The following RICTOR variants were observed in gnomAD, a reference collection of about 807,000 sequenced individuals.
The protein encoded by RICTOR is rapamycin-insensitive companion of mTOR.
Under a neutral mutation model 214.9 loss-of-function variants are expected in RICTOR, and 49 were observed. That is an observed-to-expected ratio of 0.23 (90% CI 0.18 to 0.29). The LOEUF is 0.29. RICTOR is among the 10% of genes least tolerant of loss of function. RICTOR has a pLI of 1.00. For missense variants in RICTOR, 1,625 were observed against 2,047.0 expected (o/e 0.79, Z 3.98); for synonymous variants, 717 against 711.3 (o/e 1.01, Z -0.13).
chr5:38,962,309 A>C lies in RICTOR; in HGVS notation c.1715+6T>G. 7.3e-7 allele frequency: 1 copy of C among 1,368,712 alleles called. No homozygotes were observed. The highest frequency in any genetic ancestry group is 1.0e-6 in the Non-Finnish European group (1 of 982,436). 84.8% of individuals were successfully genotyped at this position (1,368,712 alleles called of 1,614,324 possible). On this transcript the variant is annotated splice_donor_region_variant and intron_variant, in intron 19 of 37. Transcript: ENST00000357387. ...TAAATTTAAATGCAAAATAGTTCTT[A>C]CATACCTGTGTAACTGTTCATCTTT...
chr5:39,063,626 T>C (rs1375697460), intron 2 of RICTOR, among the ~76,000 whole-genome samples: 1 of 152,134 alleles, frequency 6.6e-6, no homozygotes, highest in Non-Finnish European at 1.5e-5. Context: ...AATTGGCATA[T>C]GCTTCAAATA....
In RICTOR at chr5:38,938,633, C is replaced by T. The variant is rs1747219437; in HGVS notation, c.*3671G>A. 8.6e-6 allele frequency: 2 copies of T among 232,552 alleles called. No individual in the cohort carries two copies. Among genetic ancestry groups the T allele is most frequent in the South Asian group, 1.8e-4 (1 of 5,510 alleles). 14.4% of individuals were successfully genotyped at this position (232,552 alleles called of 1,614,324 possible). A position where few individuals can be genotyped will look rare whatever the true frequency, so the allele number is the denominator to read the frequency against. ...ACATTCTGTGAGTCATATAAACCTA[C>T]TAGGAATGAAAAATACCCTGGAACT... On this transcript the variant is annotated 3_prime_UTR_variant, in exon 38 of 38. Transcript: ENST00000357387.
chr5:38,960,439 C>T lies in RICTOR; in HGVS notation c.1810G>A (p.Val604Ile), dbSNP rs1254209766. ...DFAKAKQLTV[V>I]GCQFTEFLLE... Reference sequence around the variant, plus strand: ...AGAAATTCTGTAAACTGGCAACCTACAACCGTGAGCTGTTTGGCCTTGGCA... The same window carrying T: ...AGAAATTCTGTAAACTGGCAACCTATAACCGTGAGCTGTTTGGCCTTGGCA... Residue 604 changes from valine (V) to isoleucine (I), a missense_variant, in exon 20 of 38, where the codon GTA becomes ATA. Val to Ile is a conservative substitution (Grantham distance 29). Around this residue, in one of 5 missense-constraint regions of RICTOR, gnomAD observed 1,214 missense variants for 1,470.5 expected, o/e 0.83. Coordinates refer to ENST00000357387, the MANE Select transcript of RICTOR (RefSeq NM_152756.5). 2.5e-6 allele frequency: 4 copies of T among 1,613,802 alleles called. No individual in the cohort carries two copies. Among genetic ancestry groups the T allele is most frequent in the African/African-American group, 2.7e-5 (2 of 74,914 alleles).
chr5:38,942,739 A>G, intron 37 of RICTOR, 94 bp downstream of exon 37: 1 of 1,005,754 alleles, frequency 9.9e-7, no homozygotes, highest in Non-Finnish European at 1.5e-6. Context: ...TGTAGGCATG[A>G]GTCACCACAC....
intron 7 of RICTOR, among the ~76,000 whole-genome samples, chr5:38,989,828 A>T (rs1367226404): frequency 3.3e-5 from 5 of 152,208 alleles, no homozygotes; most frequent in Non-Finnish European, 5.9e-5. Flanking sequence ...AAGAATGGCG[A>T]TCATTAAAAA....
intron 27 of RICTOR, among the ~76,000 whole-genome samples, chr5:38,954,302 C>T (rs1749048911): frequency 6.6e-6 from 1 of 151,902 alleles, no homozygotes; most frequent in African/African-American, 2.4e-5. Context: ...AACTGCTTGC[C>T]TATGCTTGTT....
At position 38,963,000 on chromosome 5, in the gene RICTOR, T is replaced by G. The variant is rs555479473; in HGVS notation, c.1442A>C (p.Glu481Ala). The change falls in exon 17 of 38, where the codon GAA (glutamate) becomes GCA (alanine). Residue 481 changes from glutamate to alanine, a missense_variant. Physicochemically the swap from Glu to Ala is moderately radical, Grantham distance 107 (BLOSUM62 -1). Around this residue, in one of 5 missense-constraint regions of RICTOR, gnomAD observed 1,214 missense variants for 1,470.5 expected, o/e 0.83. Coordinates refer to ENST00000357387, the MANE Select transcript of RICTOR (RefSeq NM_152756.5). ...AGGCTTAGGTCCTCGTTTCTTCATTTCATGGAAGCGTTTTAAACAGTTCAA... is the reference window on the plus strand; with the variant it reads ...AGGCTTAGGTCCTCGTTTCTTCATTGCATGGAAGCGTTTTAAACAGTTCAA... ...AALNCLKRFHEMKKRGPKPYS... is the reference protein window; with the variant it reads ...AALNCLKRFHAMKKRGPKPYS... The G allele has an allele frequency of 6.2e-7, 1 of 1,613,106 alleles. No individual in the cohort carries two copies. The highest frequency in any genetic ancestry group is 1.3e-5 in the African/African-American group (1 of 75,004).
At chr5:39,071,658 G>C (rs961057763) in intron 2 of RICTOR, among the ~76,000 whole-genome samples, 2 of 152,090 alleles carry the variant, frequency 1.3e-5, no homozygotes, top group Non-Finnish European at 2.9e-5. Flanking sequence ...TCACAGCTGA[G>C]GTTACAATCC....
At chr5:39,005,323 TGTATCACAAATCC>T (rs1191864399) in intron 3 of RICTOR, among the ~76,000 whole-genome samples, 1 of 152,136 alleles carries the variant, frequency 6.6e-6, no homozygotes, top group Non-Finnish European at 1.5e-5. Flanking sequence ...TCTTCTCATG[TGTATCACAAATCC>T]GTAAATCCTC....
chr5:39,004,842 T>G (rs1411942819), intron 3 of RICTOR, among the ~76,000 whole-genome samples: 2 of 137,608 alleles, frequency 1.5e-5, no homozygotes, highest in African/African-American at 5.5e-5. Context: ...AGCGCAATGG[T>G]GCAATCTCAG....
intron 36 of RICTOR, chr5:38,944,215 CT>C (rs1297945598): frequency 3.3e-6 from 2 of 601,714 alleles, no homozygotes; most frequent in Non-Finnish European, 6.2e-6. Flanking sequence ...CTTCAAAAGT[CT>C]GGCTTAATAG....
At chr5:38,962,265 T>C (rs774415937) in intron 19 of RICTOR, 50 bp downstream of exon 19, 2 of 850,338 alleles carry the variant, frequency 2.4e-6, no homozygotes, top group Non-Finnish European at 3.8e-6. Context: ...TTAGGCCTAA[T>C]ATCCATATTT....
Position 38,971,950 on chromosome 5 carries a change from T to C in RICTOR, c.899A>G (p.Asn300Ser). 3 of 1,391,322 alleles carry C rather than the reference T, an allele frequency of 2.2e-6. No individual in the cohort carries two copies. The highest frequency in any genetic ancestry group is 3.0e-6 in the Non-Finnish European group (3 of 985,010). 86.2% of individuals were successfully genotyped at this position (1,391,322 alleles called of 1,614,324 possible). A position where few individuals can be genotyped will look rare whatever the true frequency, so the allele number is the denominator to read the frequency against. Residue 300 changes from asparagine (N) to serine (S), a missense_variant, in exon 11 of 38, where the codon AAT becomes AGT. Physicochemically the swap from Asn to Ser is conservative, Grantham distance 46. Transcript: ENST00000357387. ...CCCAGAATTTCCAGGTTTACATAAA[T>C]TAATAATACCTAAAGAGGACAGAAA... ...ATFRSWAGII[N>S]LCKPGNSGIQ...
chr5:38,974,864 T>A (rs921300956), intron 10 of RICTOR, among the ~76,000 whole-genome samples: 7 of 152,200 alleles, frequency 4.6e-5, no homozygotes, highest in African/African-American at 1.7e-4. Flanking sequence ...ACAGAAATGT[T>A]TAGGTGAATT....
intron 2 of RICTOR, among the ~76,000 whole-genome samples, chr5:39,063,943 T>C (rs1005113473): frequency 2.0e-5 from 3 of 152,178 alleles, no homozygotes; most frequent in African/African-American, 7.2e-5. Context: ...TAACAGGATA[T>C]GTTTAAAGCA....
intron 2 of RICTOR, among the ~76,000 whole-genome samples, chr5:39,034,192 T>C (rs1307282137): frequency 6.6e-6 from 1 of 152,268 alleles, no homozygotes; most frequent in Non-Finnish European, 1.5e-5. Flanking sequence ...AATTGGTTTA[T>C]TGTCAGCATA....
At chr5:39,065,060 C>T (rs1758797251) in intron 2 of RICTOR, among the ~76,000 whole-genome samples, 1 of 152,170 alleles carries the variant, frequency 6.6e-6, no homozygotes, top group Non-Finnish European at 1.5e-5. Flanking sequence ...TGTATCAGGC[C>T]ATTCTTGCAT....
intron 2 of RICTOR, among the ~76,000 whole-genome samples, chr5:39,033,481 C>T (rs1277329245): frequency 6.6e-6 from 1 of 152,148 alleles, no homozygotes; most frequent in East Asian, 1.9e-4. Flanking sequence ...TCAGGCTAGT[C>T]TCGAACTCCT....
At chr5:38,967,574 T>C (rs998915692) in intron 12 of RICTOR, 147 bp from the exon 13 acceptor site, 1 of 621,558 alleles carries the variant, frequency 1.6e-6, no homozygotes, top group African/African-American at 1.9e-5. Flanking sequence ...AGACAAAAAT[T>C]AGTTATGTAA....
Sources: gnomAD v4.1 joint callset for allele counts (sites outside exome capture counted in the v4.1 genomes callset) on GRCh38, gnomAD v4.1.1 for gene constraint, gnomAD v4.1.1 regional missense constraint, MANE v1.5 for transcripts, NCBI Gene and HGNC (gene_info 2026-07-23, HGNC 2026-07-21) for gene names.